WDR27: variants seen among roughly 807,000 people sequenced by gnomAD.
WDR27 encodes the protein WD repeat domain 27.
Under a neutral mutation model 114.4 loss-of-function variants are expected in WDR27, and 100 were observed. The ratio of observed to expected loss-of-function variants is 0.87; its 90% CI spans 0.74 to 1.03. WDR27 has a LOEUF of 1.03. Among genes scored for constraint, WDR27 ranks in the 50% least tolerant of loss-of-function variants. The pLI, the probability that WDR27 is intolerant of heterozygous loss-of-function variation, is 0.00. For synonymous variants in WDR27, 449 were observed against 423.1 expected, an observed-to-expected ratio of 1.06 and a Z score of -0.75; for missense variants, 1,129 against 1,092.9, an observed-to-expected ratio of 1.03 and a Z score of -0.47.
Position 169,457,784 on chromosome 6 carries a change from A to G in WDR27, c.2646-150T>C, listed in dbSNP as rs900850517. The G allele has an allele frequency of 8.4e-6, 5 of 594,176 alleles. No individual in the cohort carries two copies. The Admixed American group carries it at 1.2e-4, about 15-fold the overall frequency. The allele number at this position is 594,176 out of a possible 1,614,324, so 36.8% of individuals were successfully genotyped here. A position where few individuals can be genotyped will look rare whatever the true frequency, so the allele number is the denominator to read the frequency against. ...TACATTAACATAGTAGAATCTATAT[A>G]TACAACAGATATTATGCTGATGATT... On this transcript the variant is annotated intron_variant, in intron 25 of 25. Transcript: ENST00000448612.
At chr6:169,442,007 T>C in the WDR27 span, among the ~76,000 whole-genome samples, 1 of 152,230 alleles carries the variant, frequency 6.6e-6, no homozygotes, top group Non-Finnish European at 1.5e-5. Flanking sequence ...ACTGGGATAT[T>C]CAGCCAAAAA....
rs144676514 is a variant in WDR27 at position 169,642,969 on chromosome 6, G to A, written c.1747+728C>T. 9.5e-3 allele frequency among the ~76,000 whole-genome samples: 1,444 copies of A among 152,322 alleles called. 8 individuals carry two copies. Among genetic ancestry groups the A allele is most frequent in the Non-Finnish European group, 0.014 (980 of 68,038 alleles). ...GTAAGCAACCCTAATCCAAAAATCT[G>A]AAATCTGAGATGCTTCAACGAGCAT... On this transcript the variant is annotated intron_variant, in intron 17 of 25. Transcript: ENST00000448612.
At chr6:169,560,717 T>G (rs1799564330) in intron 25 of WDR27, among the ~76,000 whole-genome samples, 3 of 152,360 alleles carry the variant, frequency 2.0e-5, no homozygotes, top group South Asian at 2.1e-4. Flanking sequence ...ATTAATGTTT[T>G]TATATATTAC....
chr6:169,552,325 C>G (rs189587168), intron 25 of WDR27, among the ~76,000 whole-genome samples: 59 of 152,186 alleles, frequency 3.9e-4, no homozygotes, highest in African/African-American at 1.4e-3. Context: ...TATTATTGTT[C>G]GTCTCCCCCA....
chr6:169,626,056 C>T (rs181803980), intron 21 of WDR27, among the ~76,000 whole-genome samples: 153 of 152,298 alleles, frequency 1.0e-3, no homozygotes, highest in African/African-American at 3.3e-3. Flanking sequence ...CATGCAGCCT[C>T]GGGCTTTTAT....
At chr6:169,627,522 G>A (rs1380465046) in intron 21 of WDR27, among the ~76,000 whole-genome samples, 1 of 152,186 alleles carries the variant, frequency 6.6e-6, no homozygotes, top group Non-Finnish European at 1.5e-5. Flanking sequence ...ACACGTATCA[G>A]AATGTGGAGA....
At chr6:169,576,452 T>C (rs1802349200) in intron 24 of WDR27, among the ~76,000 whole-genome samples, 1 of 152,164 alleles carries the variant, frequency 6.6e-6, no homozygotes, top group African/African-American at 2.4e-5. Flanking sequence ...AAGATGAAGA[T>C]TACCATAAAA....
downstream of WDR27, among the ~76,000 whole-genome samples, chr6:169,455,302 G>C (rs529558456): frequency 6.6e-6 from 1 of 152,258 alleles, no homozygotes; most frequent in African/African-American, 2.4e-5. Context: ...GTGAGGCTAA[G>C]AATAACAACA....
intron 25 of WDR27, among the ~76,000 whole-genome samples, chr6:169,482,133 T>C (rs769773834): frequency 1.2e-4 from 18 of 152,218 alleles, no homozygotes; most frequent in Non-Finnish European, 2.2e-4. Flanking sequence ...TGATCTTATC[T>C]TTTTTTATGG....
chr6:169,611,452 C>T (rs1810509320), intron 22 of WDR27, among the ~76,000 whole-genome samples: 1 of 151,612 alleles, frequency 6.6e-6, no homozygotes, highest in African/African-American at 2.4e-5. Flanking sequence ...ATTACAGGTG[C>T]CCACCACCAC....
At chr6:169,478,580 TTTC>T (rs1421974586) in intron 25 of WDR27, among the ~76,000 whole-genome samples, 2 of 152,046 alleles carry the variant, frequency 1.3e-5, no homozygotes, top group Admixed American at 1.3e-4. Flanking sequence ...AAAGATGGCT[TTTC>T]TTTATAACAT....
At position 169,550,904 on chromosome 6, in the gene WDR27, C is replaced by T. The variant is rs6915840; in HGVS notation, c.2645+21515G>A. On this transcript the variant is annotated intron_variant, in intron 25 of 25. Coordinates refer to ENST00000448612, the MANE Select transcript of WDR27 (RefSeq NM_182552.5). Reference sequence around the variant, plus strand: ...TTAACTTTTGTATGTTTTGTAGAGACGGGGTCTCACTATGTTGCCCAAGCT... The same window carrying T: ...TTAACTTTTGTATGTTTTGTAGAGATGGGGTCTCACTATGTTGCCCAAGCT... Among the ~76,000 whole-genome samples the T allele has an allele frequency of 3.4e-3, 521 of 152,146 alleles. 5 individuals carry two copies. The highest frequency in any genetic ancestry group is 0.012 in the African/African-American group (497 of 41,496).
the WDR27 span, among the ~76,000 whole-genome samples, chr6:169,449,891 C>T: frequency 6.6e-6 from 1 of 152,146 alleles, no homozygotes; most frequent in South Asian, 2.1e-4. Flanking sequence ...TAAACTACCA[C>T]AATATTTGAG....
Position 169,621,426 on chromosome 6 carries a change from A to G in WDR27, c.2224-7770T>C, listed in dbSNP as rs534059932. Among the ~76,000 whole-genome samples the G allele has an allele frequency of 9.8e-4, 149 of 152,146 alleles. 1 individual carries two copies. Among genetic ancestry groups the G allele is most frequent in the African/African-American group, 3.5e-3 (146 of 41,492 alleles). On this transcript the variant is annotated intron_variant, in intron 21 of 25. Coordinates refer to ENST00000448612, the MANE Select transcript of WDR27 (RefSeq NM_182552.5). ...CATGCCTATACATACACACACGCGC[A>G]TTCACACATATACATATGCACACAT...
chr6:169,502,313 T>C (rs537429285), intron 25 of WDR27, among the ~76,000 whole-genome samples: 3 of 152,270 alleles, frequency 2.0e-5, no homozygotes, highest in Non-Finnish European at 4.4e-5. Context: ...CTCTGAAAGA[T>C]TCCCCCGGAA....
intron 22 of WDR27, among the ~76,000 whole-genome samples, chr6:169,609,283 C>T (rs376837001): frequency 2.6e-5 from 4 of 152,180 alleles, no homozygotes; most frequent in Non-Finnish European, 4.4e-5. Context: ...ATTAGGGACT[C>T]TGTGTGGAGG....
intron 7 of WDR27, 131 bp from the exon 8 acceptor site, chr6:169,664,417 C>T (rs1446074808): frequency 2.6e-5 from 40 of 1,542,384 alleles, no homozygotes; most frequent in South Asian, 2.6e-4. Flanking sequence ...CAGAGGCTCC[C>T]GGCACAGCTG....
chr6:169,455,026 T>C (rs1784296211), downstream of WDR27, among the ~76,000 whole-genome samples: 1 of 152,226 alleles, frequency 6.6e-6, no homozygotes, highest in African/African-American at 2.4e-5. Context: ...CCCGGCCTAG[T>C]GTCTGAACCT....
intron 25 of WDR27, among the ~76,000 whole-genome samples, chr6:169,481,491 C>A (rs761939474): frequency 1.3e-5 from 2 of 152,194 alleles, no homozygotes; most frequent in African/African-American, 2.4e-5. Flanking sequence ...TTTCACTCTT[C>A]GCAATAAATC....
Sources: allele counts gnomAD v4.1 joint callset (sites outside exome capture counted in the v4.1 genomes callset), GRCh38; gene constraint gnomAD v4.1.1; transcripts MANE v1.5; gene names NCBI Gene and HGNC (gene_info 2026-07-23, HGNC 2026-07-21).